The following MTMR10 variants were observed in gnomAD, a reference collection of about 807,000 sequenced individuals.
MTMR10 encodes myotubularin-related protein 10.
Under a neutral mutation model 88.1 loss-of-function variants are expected in MTMR10, and 56 were observed. The ratio of observed to expected loss-of-function variants is 0.64; its 90% CI spans 0.51 to 0.79. MTMR10 has a LOEUF of 0.79. Among genes scored for constraint, MTMR10 ranks in the 30% least tolerant of loss-of-function variants. The pLI, the probability that MTMR10 is intolerant of heterozygous loss-of-function variation, is 0.00. For missense variants in MTMR10, 883 were observed against 924.7 expected (o/e 0.95, Z 0.58); for synonymous variants, 380 against 340.9 (o/e 1.11, Z -1.26).
At chr15:30,950,904 C>T (rs1595914943) in intron 12 of MTMR10, among the ~76,000 whole-genome samples, 1 of 152,110 alleles carries the variant, frequency 6.6e-6, no homozygotes, top group East Asian at 1.9e-4. Context: ...CTTATAACAC[C>T]TAATACAATG....
At chr15:30,947,346 A>T in intron 13 of MTMR10, 46 bp from the exon 14 acceptor site, 1 of 1,572,748 alleles carries the variant, frequency 6.4e-7, no homozygotes, top group African/African-American at 1.4e-5. Context: ...GTTATCCTTC[A>T]GCCGTTCACA....
At chr15:30,961,764 G>C (rs867312120) in intron 6 of MTMR10, among the ~76,000 whole-genome samples, 1 of 152,170 alleles carries the variant, frequency 6.6e-6, no homozygotes, top group African/African-American at 2.4e-5. Context: ...CCAGAATGAA[G>C]AATGGCTGCT....
downstream of MTMR10, among the ~76,000 whole-genome samples, chr15:30,937,728 A>T (rs1262873571): frequency 6.6e-6 from 1 of 151,580 alleles, no homozygotes; most frequent in East Asian, 2.0e-4. Context: ...AGTGCTGGGG[A>T]TTACAGGCAT....
intron 2 of MTMR10, among the ~76,000 whole-genome samples, chr15:30,983,073 C>T (rs1005280393): frequency 1.6e-4 from 24 of 152,226 alleles, no homozygotes; most frequent in African/African-American, 4.6e-4. Flanking sequence ...GGAGACTATA[C>T]GCCTGTGCTT....
At chr15:30,928,097 G>A in the MTMR10 span, 22 of 999,316 alleles carry the variant, frequency 2.2e-5, no homozygotes, top group South Asian at 4.4e-5. Flanking sequence ...GGCTGCTGCC[G>A]GCCTCCGGGA....
chr15:30,929,993 CAT>C, the MTMR10 span, among the ~76,000 whole-genome samples: 4 of 124,146 alleles, frequency 3.2e-5, no homozygotes, highest in South Asian at 2.3e-4. Flanking sequence ...TATAAGATAT[CAT>C]ATATAATATA....
chr15:30,972,139 T>A (rs1158735871), intron 5 of MTMR10, among the ~76,000 whole-genome samples: 3 of 152,132 alleles, frequency 2.0e-5, no homozygotes, highest in African/African-American at 4.8e-5. Context: ...TAGCAAAGCA[T>A]TTTCCAGAGA....
chr15:30,958,748 G>T, intron 9 of MTMR10, 115 bp downstream of exon 9: 1 of 1,026,760 alleles, frequency 9.7e-7, no homozygotes, highest in Non-Finnish European at 1.5e-6. Context: ...TATAAAACAT[G>T]GTGCTAACTA....
chr15:30,927,690 C>T, the MTMR10 span: 5 of 985,636 alleles, frequency 5.1e-6, no homozygotes, highest in Non-Finnish European at 6.0e-6. Flanking sequence ...TCAGCACCTC[C>T]TCTGGCCAGT....
chr15:30,919,717 A>G, the MTMR10 span, among the ~76,000 whole-genome samples: 1 of 150,680 alleles, frequency 6.6e-6, no homozygotes, highest in African/African-American at 2.5e-5. Flanking sequence ...AAAGAAAATC[A>G]TAAGGAAGAG....
chr15:30,973,230 A>C (rs1319914460), intron 5 of MTMR10, among the ~76,000 whole-genome samples: 1 of 152,164 alleles, frequency 6.6e-6, no homozygotes, highest in Non-Finnish European at 1.5e-5. Context: ...ATTTTCAATA[A>C]TGCAGCTTGC....
rs1164803967 is a variant in MTMR10 at position 30,941,018 on chromosome 15, G to A, written c.*452C>T. ...TCATCAGGTGAGTTCAATTAGAGAC[G>A]ACAGAAAGTAACCAGAAAAATACAT... On this transcript the variant is annotated 3_prime_UTR_variant, in exon 16 of 16. Coordinates refer to ENST00000435680, the MANE Select transcript of MTMR10 (RefSeq NM_017762.3). The A allele has an allele frequency of 5.1e-6, 6 of 1,166,080 alleles. No homozygotes were observed. The highest frequency in any genetic ancestry group is 6.4e-6 in the Non-Finnish European group (6 of 932,298). The allele number at this position is 1,166,080 out of a possible 1,614,324, so 72.2% of individuals were successfully genotyped here.
chr15:30,966,744 TAAG>T (rs1405854575), intron 6 of MTMR10, among the ~76,000 whole-genome samples: 1 of 152,078 alleles, frequency 6.6e-6, no homozygotes, highest in African/African-American at 2.4e-5. Flanking sequence ...TATATATCGA[TAAG>T]AAAAATTAAG....
At chr15:30,969,516 A>AT (rs1213407728) in intron 5 of MTMR10, among the ~76,000 whole-genome samples, 4 of 152,010 alleles carry the variant, frequency 2.6e-5, no homozygotes, top group Admixed American at 6.6e-5. Flanking sequence ...TTCTCTAGAC[A>AT]TTTTTCATAG....
chr15:30,943,651 C>T, intron 14 of MTMR10: 3 of 985,438 alleles, frequency 3.0e-6, no homozygotes, highest in Non-Finnish European at 3.6e-6. Flanking sequence ...AGACCATGTA[C>T]ACAGGAGACC....
At chr15:30,975,089 GT>G in intron 3 of MTMR10, 86 bp from the exon 4 acceptor site, 1 of 1,012,232 alleles carries the variant, frequency 9.9e-7, no homozygotes, top group Non-Finnish European at 1.4e-6. Context: ...ATGATAAACT[GT>G]GACAGTTATC....
At chr15:30,975,109 G>C (rs889570816) in intron 3 of MTMR10, 106 bp from the exon 4 acceptor site, 1 of 848,778 alleles carries the variant, frequency 1.2e-6, no homozygotes, top group Non-Finnish European at 1.8e-6. Context: ...TCTCTAAAAA[G>C]CACAAAAAGC....
At chr15:30,968,488 A>C (rs2063497812) in intron 5 of MTMR10, among the ~76,000 whole-genome samples, 1 of 151,788 alleles carries the variant, frequency 6.6e-6, no homozygotes, top group Non-Finnish European at 1.5e-5. Context: ...ATTAGCAAGA[A>C]ACTCCAAAAA....
chr15:30,951,662 A>C (rs1223620287), intron 12 of MTMR10, among the ~76,000 whole-genome samples: 1 of 151,868 alleles, frequency 6.6e-6, no homozygotes, highest in Non-Finnish European at 1.5e-5. Flanking sequence ...ACCACTCCTG[A>C]CTAATTTTTG....
Sources: allele counts gnomAD v4.1 joint callset (sites outside exome capture counted in the v4.1 genomes callset), GRCh38; gene constraint gnomAD v4.1.1; transcripts MANE v1.5; gene names NCBI Gene and HGNC (gene_info 2026-07-23, HGNC 2026-07-21).